ARID1B: variants seen among roughly 807,000 people sequenced by gnomAD.
ARID1B encodes AT-rich interactive domain-containing protein 1B.
ARID1B carries 30 observed loss-of-function variants against 212.3 expected under a neutral mutation model. That is an observed-to-expected ratio of 0.14 (90% confidence interval 0.11 to 0.19). ARID1B has a LOEUF of 0.19. ARID1B is among the 10% of genes least tolerant of loss of function. ARID1B has a pLI of 1.00. For missense variants in ARID1B, 2,891 were observed against 3,204.0 expected, an observed-to-expected ratio of 0.90 and a Z score of 2.36; for synonymous variants, 1,402 against 1,301.7, an observed-to-expected ratio of 1.08 and a Z score of -1.66.
At chr6:157,163,256 G>C (rs1022798951) in intron 8 of ARID1B, among the ~76,000 whole-genome samples, 1 of 152,066 alleles carries the variant, frequency 6.6e-6, no homozygotes, top group African/African-American at 2.4e-5. Flanking sequence ...CTGTGGTCTC[G>C]GGCATTGTAT....
chr6:157,066,076 A>G (rs778083908), intron 4 of ARID1B, among the ~76,000 whole-genome samples: 14 of 152,222 alleles, frequency 9.2e-5, no homozygotes, highest in Non-Finnish European at 1.3e-4. Context: ...GATGGTCACT[A>G]ATGGTAAGCC....
chr6:156,792,539 T>C (rs1159984545), intron 1 of ARID1B, among the ~76,000 whole-genome samples: 1 of 152,242 alleles, frequency 6.6e-6, no homozygotes, highest in Non-Finnish European at 1.5e-5. Context: ...ATAAACATAC[T>C]TGCAGTTAGT....
chr6:157,091,512 A>T (rs1216395638), intron 5 of ARID1B, among the ~76,000 whole-genome samples: 2 of 152,206 alleles, frequency 1.3e-5, no homozygotes, highest in Non-Finnish European at 2.9e-5. Context: ...ATCTGGAAGG[A>T]TGCTATAATG....
intron 1 of ARID1B, among the ~76,000 whole-genome samples, chr6:156,789,924 G>A (rs573882897): frequency 1.1e-3 from 175 of 152,254 alleles, no homozygotes; most frequent in Middle Eastern, 3.4e-3. Flanking sequence ...GAGTAACAAA[G>A]GATTGTATTT....
At chr6:156,880,664 C>G (rs568890908) in intron 2 of ARID1B, among the ~76,000 whole-genome samples, 1 of 141,540 alleles carries the variant, frequency 7.1e-6, no homozygotes, top group Non-Finnish European at 1.5e-5. Flanking sequence ...AGTTGAACCC[C>G]GGGAGGCGGA....
At chr6:156,787,839 G>A (rs1165068041) in intron 1 of ARID1B, among the ~76,000 whole-genome samples, 7 of 152,070 alleles carry the variant, frequency 4.6e-5, no homozygotes, top group Non-Finnish European at 8.8e-5. Flanking sequence ...CATGGGCTTG[G>A]AGCTGGTCAG....
chr6:156,852,522 A>G (rs937828374), intron 2 of ARID1B, among the ~76,000 whole-genome samples: 1 of 151,914 alleles, frequency 6.6e-6, no homozygotes, highest in East Asian at 1.9e-4. Flanking sequence ...GTTTTCATTG[A>G]CTTACTCATA....
chr6:156,897,215 G>GCTTCTTCTTCTTCTTCTTCTTCTTCTT (rs1297724982), intron 2 of ARID1B, among the ~76,000 whole-genome samples: 4 of 76,202 alleles, frequency 5.2e-5, no homozygotes, highest in East Asian at 3.8e-4. Flanking sequence ...TGCTGCTGCT[G>GCTTCTTCTTCTTCTTCTTCTTCTTCTT]CTGCTTCTTC....
intron 1 of ARID1B, among the ~76,000 whole-genome samples, chr6:156,817,034 T>C (rs905197347): frequency 3.5e-4 from 53 of 151,030 alleles, no homozygotes; most frequent in Admixed American, 3.2e-3. Context: ...TCTAGAATTA[T>C]CGCACGTTAG....
At chr6:156,926,923 G>A (rs1481569122) in intron 3 of ARID1B, among the ~76,000 whole-genome samples, 6 of 152,120 alleles carry the variant, frequency 3.9e-5, no homozygotes, top group South Asian at 2.1e-4. Context: ...GCCGTGATCC[G>A]CCTGCCTTGG....
At chr6:156,878,034 T>C (rs376315108) in intron 2 of ARID1B, among the ~76,000 whole-genome samples, 28 of 152,208 alleles carry the variant, frequency 1.8e-4, no homozygotes, top group African/African-American at 5.1e-4. Flanking sequence ...TCCTTGACTT[T>C]TGATTAGTTA....
intron 1 of ARID1B, among the ~76,000 whole-genome samples, chr6:156,802,196 T>C (rs575360840): frequency 7.2e-5 from 11 of 152,358 alleles, no homozygotes; most frequent in Admixed American, 6.5e-4. Flanking sequence ...ATAGTGTTGC[T>C]ATGAGGAATA....
chr6:157,199,575 CTA>C (rs1459089081), intron 17 of ARID1B, among the ~76,000 whole-genome samples: 1 of 149,358 alleles, frequency 6.7e-6, no homozygotes, highest in African/African-American at 2.4e-5. Context: ...ATTTTGAAAA[CTA>C]TATATATGTT....
intron 2 of ARID1B, among the ~76,000 whole-genome samples, chr6:156,876,670 A>G (rs1326067096): frequency 1.3e-5 from 2 of 152,190 alleles, no homozygotes; most frequent in South Asian, 4.1e-4. Flanking sequence ...AGACTGTCCC[A>G]GACACTTTCT....
At chr6:157,105,630 C>T (rs1484818989) in intron 5 of ARID1B, among the ~76,000 whole-genome samples, 1 of 152,050 alleles carries the variant, frequency 6.6e-6, no homozygotes, top group African/African-American at 2.4e-5. Flanking sequence ...GAGATGGAGT[C>T]TTGCTCTGTC....
chr6:156,818,030 A>G (rs1782088502), intron 1 of ARID1B, among the ~76,000 whole-genome samples: 1 of 147,582 alleles, frequency 6.8e-6, no homozygotes, highest in Non-Finnish European at 1.5e-5. Context: ...AATAGCATCT[A>G]TATAGCAATC....
chr6:157,175,877 AC>A (rs1219030884), intron 11 of ARID1B: 7 of 152,062 alleles, frequency 4.6e-5, no homozygotes, highest in South Asian at 2.1e-4. Context: ...AAAAAAAAAA[AC>A]AACATGCAAT....
intron 5 of ARID1B, among the ~76,000 whole-genome samples, chr6:157,103,877 C>A (rs188232441): frequency 1.2e-3 from 168 of 142,166 alleles, no homozygotes; most frequent in African/African-American, 4.5e-3. Context: ...GCTCTGTTGC[C>A]CAGGCTGGAG....
intron 8 of ARID1B, chr6:157,152,360 C>A (rs1402988527): frequency 6.6e-6 from 1 of 152,164 alleles, no homozygotes; most frequent in Admixed American, 6.5e-5. Context: ...CAGCAGCATC[C>A]AGATAGCTTC....
Sources: allele counts gnomAD v4.1 joint callset (sites outside exome capture counted in the v4.1 genomes callset), GRCh38; gene constraint gnomAD v4.1.1; transcripts MANE v1.5; gene names NCBI Gene and HGNC (gene_info 2026-07-23, HGNC 2026-07-21).